Variants in DGLUCY observed in about 807,000 individuals in gnomAD.
DGLUCY encodes D-glutamate cyclase.
In DGLUCY, 58 loss-of-function variants were observed where a neutral mutation model predicts 58.5. That is an observed-to-expected ratio of 0.99 (90% CI 0.80 to 1.23). The LOEUF (loss-of-function observed/expected upper bound fraction) is 1.23. Among genes scored for constraint, DGLUCY ranks in the 50% most tolerant of loss-of-function variants. The pLI, the probability that DGLUCY is intolerant of heterozygous loss-of-function variation, is 0.00. For synonymous variants in DGLUCY, 325 were observed against 314.1 expected, an observed-to-expected ratio of 1.03 and a Z score of -0.37; for missense variants, 779 against 784.7, an observed-to-expected ratio of 0.99 and a Z score of 0.09.
chr14:91,146,572 G>A (rs186373043), intron 1 of DGLUCY, among the ~76,000 whole-genome samples: 10 of 152,224 alleles, frequency 6.6e-5, no homozygotes, highest in African/African-American at 2.2e-4. Flanking sequence ...TGTGTCCCCC[G>A]GAGGAATGTA....
chr14:91,205,338 C>T (rs1196698215), intron 12 of DGLUCY, among the ~76,000 whole-genome samples: 1 of 152,152 alleles, frequency 6.6e-6, no homozygotes, highest in African/African-American at 2.4e-5. Flanking sequence ...TTGGGCTGCC[C>T]TGTGCCTCCC....
At chr14:91,123,159 G>A (rs1436275566) in intron 1 of DGLUCY, among the ~76,000 whole-genome samples, 1 of 152,158 alleles carries the variant, frequency 6.6e-6, no homozygotes, top group Non-Finnish European at 1.5e-5. Context: ...GAAGTATCAT[G>A]AGTACCTGGA....
chr14:91,122,903 G>T (rs2045468954), intron 1 of DGLUCY, among the ~76,000 whole-genome samples: 1 of 152,120 alleles, frequency 6.6e-6, no homozygotes, highest in South Asian at 2.1e-4. Flanking sequence ...CACGGTGCTT[G>T]GCTAGTTCTT....
intron 1 of DGLUCY, among the ~76,000 whole-genome samples, chr14:91,088,562 A>C (rs1412117663): frequency 1.3e-5 from 2 of 152,126 alleles, no homozygotes; most frequent in Non-Finnish European, 2.9e-5. Context: ...CTCTGATGAG[A>C]TTTCAGAGCC....
At position 91,215,525 on chromosome 14, in the gene DGLUCY, C is replaced by T. The variant is rs777259314; in HGVS notation, c.1685C>T (p.Ala562Val). 94 of 1,613,880 alleles carry T rather than the reference C, an allele frequency of 5.8e-5. 1 individual carries two copies. In the South Asian group the frequency reaches 9.7e-4, roughly 17 times the overall value. Residue 562 changes from alanine (A) to valine (V), a missense_variant, in exon 13 of 14, where the codon GCC (alanine) becomes GTC (valine). By Grantham distance (64) the Ala-to-Val change is moderately conservative (BLOSUM62 0). Transcript: ENST00000256324. Reference sequence around the variant, plus strand: ...CCCTCCAGGGCACCTGGAGATCAGGCCTGGACTCAGGCCCTCCCGTCGGTC... The same window carrying T: ...CCCTCCAGGGCACCTGGAGATCAGGTCTGGACTCAGGCCCTCCCGTCGGTC... ...VGPSRAPGDQ[A>V]WTQALPSVIK...
At chr14:91,078,861 T>C (rs373052994) in intron 1 of DGLUCY, among the ~76,000 whole-genome samples, 1 of 146,168 alleles carries the variant, frequency 6.8e-6, no homozygotes, top group African/African-American at 2.5e-5. Flanking sequence ...TTGTGTCTGT[T>C]TATTTATTTT....
At chr14:91,205,003 AGT>A in intron 12 of DGLUCY, 178 bp downstream of exon 12, 1 of 818,676 alleles carries the variant, frequency 1.2e-6, no homozygotes, top group East Asian at 2.8e-5. Context: ...AAACATTTAC[AGT>A]GTGCCAGGCA....
intron 3 of DGLUCY, among the ~76,000 whole-genome samples, chr14:91,162,764 G>A (rs1362429085): frequency 1.3e-5 from 2 of 152,102 alleles, no homozygotes; most frequent in Admixed American, 6.5e-5. Context: ...GAGCATGGTG[G>A]TGTGCACCTG....
chr14:91,170,528 C>T lies in DGLUCY; in HGVS notation c.456+327C>T, dbSNP rs369767472. ...GATTTTTAAAAATCCTCCCTGGCTC[C>T]GGTGAGCCTCAGCCAGGGGGAATGA... On this transcript the variant is annotated intron_variant, in intron 5 of 13. Coordinates refer to ENST00000256324, the MANE Select transcript of DGLUCY (RefSeq NM_001102368.3). Among the ~76,000 whole-genome samples, 70 of 152,308 alleles carry T rather than the reference C, an allele frequency of 4.6e-4. 2 individuals are homozygous for T. The South Asian group carries it at 0.014, about 30-fold the overall frequency.
intron 1 of DGLUCY, among the ~76,000 whole-genome samples, chr14:91,127,516 AAC>A (rs943082980): frequency 2.6e-5 from 4 of 152,230 alleles, no homozygotes; most frequent in Admixed American, 2.0e-4. Context: ...CCTCTGCCCC[AAC>A]ACACTGGGCC....
chr14:91,187,120 C>T (rs1312343814), intron 8 of DGLUCY, among the ~76,000 whole-genome samples: 2 of 152,096 alleles, frequency 1.3e-5, no homozygotes, highest in African/African-American at 2.4e-5. Flanking sequence ...CTGCCTCAGC[C>T]TCCTGAGTAG....
chr14:91,108,680 G>A (rs1361002033), intron 1 of DGLUCY, among the ~76,000 whole-genome samples: 1 of 152,080 alleles, frequency 6.6e-6, no homozygotes, highest in Non-Finnish European at 1.5e-5. Context: ...TGGGACTACA[G>A]GCATGTGCCA....
At chr14:91,167,403 T>C in intron 4 of DGLUCY, 25 bp downstream of exon 4, 1 of 1,614,052 alleles carries the variant, frequency 6.2e-7, no homozygotes, top group Non-Finnish European at 8.5e-7. Context: ...TTACTGTGGG[T>C]TGAAGCTTGG....
chr14:91,089,535 G>A (rs2044275152), intron 1 of DGLUCY, among the ~76,000 whole-genome samples: 1 of 152,102 alleles, frequency 6.6e-6, no homozygotes, highest in South Asian at 2.1e-4. Flanking sequence ...AAGAATGAAA[G>A]GGGTGGCCGG....
intron 11 of DGLUCY, among the ~76,000 whole-genome samples, chr14:91,203,119 G>A (rs935793013): frequency 2.0e-5 from 3 of 152,214 alleles, no homozygotes; most frequent in Non-Finnish European, 4.4e-5. Flanking sequence ...TGATACCCAT[G>A]ACAGGATGGA....
chr14:91,215,528 G>A lies in DGLUCY; in HGVS notation c.1688G>A (p.Trp563Ter). The A allele has an allele frequency of 6.2e-7, 1 of 1,614,024 alleles. No individual in the cohort carries two copies. The part of the protein sequence containing the change: ...GPSRAPGDQA[W>*]TQALPSVIKE... ...TCCAGGGCACCTGGAGATCAGGCCT[G>A]GACTCAGGCCCTCCCGTCGGTCATT... Residue 563 changes from tryptophan to a stop codon, truncating the protein, a stop_gained, in exon 13 of 14, where the codon TGG becomes TAG. Transcript: ENST00000256324. LOFTEE classifies it low-confidence loss of function (END_TRUNC).
chr14:91,200,799 C>CTGT (rs1156882587), intron 11 of DGLUCY, among the ~76,000 whole-genome samples: 2 of 152,092 alleles, frequency 1.3e-5, no homozygotes, highest in Non-Finnish European at 2.9e-5. Context: ...GAGCAACAGG[C>CTGT]TGTTTATTTC....
chr14:91,187,068 C>T (rs770888529), intron 8 of DGLUCY, among the ~76,000 whole-genome samples: 10 of 151,944 alleles, frequency 6.6e-5, no homozygotes, highest in South Asian at 2.1e-4. Context: ...GGTGCGATCT[C>T]GGCTCACTGC....
chr14:91,176,630 C>T (rs1464917200), intron 7 of DGLUCY, among the ~76,000 whole-genome samples: 1 of 152,202 alleles, frequency 6.6e-6, no homozygotes, highest in Non-Finnish European at 1.5e-5. Context: ...GACACAGTCT[C>T]ACTCTGTCGC....
Sources: allele counts gnomAD v4.1 joint callset (sites outside exome capture counted in the v4.1 genomes callset), GRCh38; gene constraint gnomAD v4.1.1; transcripts MANE v1.5; gene names NCBI Gene and HGNC (gene_info 2026-07-23, HGNC 2026-07-21).